PHF24: variants seen among roughly 807,000 people sequenced by gnomAD.
The protein encoded by PHF24 is PHD finger protein 24, also known as Galpha inhibitory interacting protein.
A neutral mutation model predicts 42.6 loss-of-function variants in PHF24; 25 were observed. That is an observed-to-expected ratio of 0.59 (90% CI 0.43 to 0.82). The LOEUF is 0.82. PHF24 is among the 40% of genes least tolerant of loss of function. The pLI is 0.00. For synonymous variants in PHF24, 185 were observed against 204.8 expected (o/e 0.90, Z 0.83); for missense variants, 470 against 538.1 (o/e 0.87, Z 1.25).
At chr9:34,863,014 G>A in the PHF24 span, among the ~76,000 whole-genome samples, 1 of 151,970 alleles carries the variant, frequency 6.6e-6, no homozygotes, top group Non-Finnish European at 1.5e-5. Flanking sequence ...TGGGAGTGTG[G>A]TGGCCATGGG....
At chr9:34,677,389 G>GTTTTTTTTT in the PHF24 span, among the ~76,000 whole-genome samples, 45 of 79,772 alleles carry the variant, frequency 5.6e-4, 5 homozygotes, top group African/African-American at 1.0e-3. Flanking sequence ...TTTGTAAACT[G>GTTTTTTTTT]TTTTTTTTTT....
the PHF24 span, among the ~76,000 whole-genome samples, chr9:34,862,917 C>T: frequency 1.3e-5 from 2 of 151,890 alleles, no homozygotes; most frequent in Non-Finnish European, 2.9e-5. Context: ...GAGCCTACTG[C>T]CCTGAAGGGT....
At chr9:34,854,196 A>ATTTTTTTTT in the PHF24 span, among the ~76,000 whole-genome samples, 4 of 106,660 alleles carry the variant, frequency 3.8e-5, no homozygotes, top group Non-Finnish European at 7.6e-5. Flanking sequence ...CAGTCTATCT[A>ATTTTTTTTT]TTTTTTTTTT....
At chr9:34,828,313 A>G in the PHF24 span, among the ~76,000 whole-genome samples, 1 of 152,006 alleles carries the variant, frequency 6.6e-6, no homozygotes, top group Admixed American at 6.5e-5. Context: ...TTGGGAATTC[A>G]CTTCTATTCT....
the PHF24 span, among the ~76,000 whole-genome samples, chr9:34,768,978 T>G: frequency 1.3e-5 from 2 of 151,982 alleles, no homozygotes; most frequent in African/African-American, 2.4e-5. Context: ...ATAAAAAACT[T>G]TTGTGTATAC....
chr9:34,839,322 G>A, the PHF24 span, among the ~76,000 whole-genome samples: 43 of 152,268 alleles, frequency 2.8e-4, no homozygotes, highest in South Asian at 8.3e-3. Context: ...CTTGTGGTTG[G>A]ATCTATTCAT....
chr9:34,756,498 C>T, the PHF24 span, among the ~76,000 whole-genome samples: 1 of 152,100 alleles, frequency 6.6e-6, no homozygotes, highest in African/African-American at 2.4e-5. Context: ...GTTCCTGGTG[C>T]TTTTGTTGAA....
At chr9:34,709,749 C>T in the PHF24 span, 1 of 1,614,150 alleles carries the variant, frequency 6.2e-7, no homozygotes, top group East Asian at 2.2e-5. Context: ...CGTCACCAGC[C>T]AGTACCCACC....
chr9:34,936,149 G>A, the PHF24 span, among the ~76,000 whole-genome samples: 15 of 151,070 alleles, frequency 9.9e-5, no homozygotes, highest in South Asian at 2.9e-3. Flanking sequence ...CCGCCATCTC[G>A]GCTCACTGCA....
the PHF24 span, among the ~76,000 whole-genome samples, chr9:34,779,539 A>AC: frequency 1.1e-4 from 16 of 152,132 alleles, no homozygotes; most frequent in Admixed American, 1.0e-3. Flanking sequence ...ATTTTAAGAG[A>AC]CCCCCTAATG....
At chr9:34,674,606 C>T in the PHF24 span, among the ~76,000 whole-genome samples, 2 of 152,242 alleles carry the variant, frequency 1.3e-5, no homozygotes, top group Non-Finnish European at 2.9e-5. Flanking sequence ...TGCATTTGGC[C>T]CATGGGCCAT....
chr9:34,972,886 C>T (rs1037982506), intron 3 of PHF24, among the ~76,000 whole-genome samples: 22 of 149,450 alleles, frequency 1.5e-4, no homozygotes, highest in Non-Finnish European at 7.4e-5. Flanking sequence ...TGCACTCCAG[C>T]CTGGCGACAG....
the PHF24 span, among the ~76,000 whole-genome samples, chr9:34,793,485 TG>T: frequency 6.6e-6 from 1 of 152,200 alleles, no homozygotes; most frequent in Non-Finnish European, 1.5e-5. Flanking sequence ...CTGAAAAACC[TG>T]GACAGAAAAC....
the PHF24 span, among the ~76,000 whole-genome samples, chr9:34,843,972 A>G: frequency 6.6e-6 from 1 of 151,988 alleles, no homozygotes; most frequent in Admixed American, 6.6e-5. Flanking sequence ...TTCAATCTCC[A>G]TATTTATTGT....
At chr9:34,723,121 A>C in the PHF24 span, 35 of 1,304,280 alleles carry the variant, frequency 2.7e-5, no homozygotes, top group Admixed American at 2.8e-5. Context: ...AAATGACAAT[A>C]CTGGTCCTCT....
exon 8 of PHF24, chr9:34,981,965 C>G (rs1827407198): frequency 6.6e-6 from 1 of 152,094 alleles, no homozygotes; most frequent in Admixed American, 6.5e-5. Context: ...TGTTACTTTT[C>G]TGCTACCACT....
At chr9:34,952,588 C>T in the PHF24 span, among the ~76,000 whole-genome samples, 23 of 152,106 alleles carry the variant, frequency 1.5e-4, no homozygotes, top group African/African-American at 5.3e-4. Context: ...ACAAAGAGGA[C>T]TCACACTACT....
chr9:34,956,927 C>T (rs1178477681), upstream of PHF24, among the ~76,000 whole-genome samples: 3 of 152,288 alleles, frequency 2.0e-5, no homozygotes, highest in East Asian at 1.9e-4. Flanking sequence ...TAGGAGCTTG[C>T]GGTATGAAAT....
the PHF24 span, among the ~76,000 whole-genome samples, chr9:34,720,172 C>T: frequency 9.9e-5 from 15 of 152,256 alleles, no homozygotes; most frequent in East Asian, 1.9e-4. Context: ...GGGCCAGGCG[C>T]GGTGGCTCAC....
Sources: allele counts gnomAD v4.1 joint callset (sites outside exome capture counted in the v4.1 genomes callset), GRCh38; gene constraint gnomAD v4.1.1; transcripts MANE v1.5; gene names NCBI Gene and HGNC (gene_info 2026-07-23, HGNC 2026-07-21).